The following SDK1 variants were observed in gnomAD, a reference collection of about 807,000 sequenced individuals.
SDK1 encodes the protein protein sidekick-1.
In SDK1, 157 loss-of-function variants were observed where a neutral mutation model predicts 245.5. The observed-to-expected ratio is 0.64, with a 90% CI of 0.56 to 0.73. The LOEUF (loss-of-function observed/expected upper bound fraction) is 0.73. Ranked by LOEUF, SDK1 falls within the 30% of genes least tolerant of loss-of-function variation. SDK1 has a pLI of 0.00. For synonymous variants in SDK1, 1,647 were observed against 1,278.5 expected (o/e 1.29, Z -6.15); for missense variants, 3,583 against 3,002.3 (o/e 1.19, Z -4.52).
At chr7:3,705,885 G>A (rs1784873191) in intron 4 of SDK1, among the ~76,000 whole-genome samples, 1 of 152,096 alleles carries the variant, frequency 6.6e-6, no homozygotes, top group Non-Finnish European at 1.5e-5. Flanking sequence ...TGATGCAACT[G>A]TCATGATGTT....
chr7:4,214,018 A>T (rs1055140117), intron 38 of SDK1, among the ~76,000 whole-genome samples: 5 of 152,150 alleles, frequency 3.3e-5, no homozygotes, highest in African/African-American at 9.7e-5. Context: ...GCTATCTCCA[A>T]ATCCTCAGAA....
At chr7:3,550,128 ATAT>A (rs1466038256) in intron 1 of SDK1, among the ~76,000 whole-genome samples, 2 of 152,172 alleles carry the variant, frequency 1.3e-5, no homozygotes, top group African/African-American at 4.8e-5. Context: ...ATATTTCAAC[ATAT>A]TAATATGTGT....
intron 1 of SDK1, among the ~76,000 whole-genome samples, chr7:3,427,612 C>T (rs971120324): frequency 1.9e-4 from 29 of 151,692 alleles, no homozygotes; most frequent in African/African-American, 5.1e-4. Context: ...TCTTGTCATA[C>T]GATATAAGAT....
chr7:3,688,462 G>T (rs766135458), intron 4 of SDK1, among the ~76,000 whole-genome samples: 3 of 152,228 alleles, frequency 2.0e-5, no homozygotes, highest in African/African-American at 7.2e-5. Flanking sequence ...GTGTTATAAA[G>T]AATAAATGAG....
intron 1 of SDK1, among the ~76,000 whole-genome samples, chr7:3,352,155 TA>T (rs1780676885): frequency 6.7e-6 from 1 of 149,536 alleles, no homozygotes; most frequent in Non-Finnish European, 1.5e-5. Flanking sequence ...TATATATTTA[TA>T]AAAGTTTCAT....
At chr7:3,740,842 T>C (rs1422599281) in intron 4 of SDK1, among the ~76,000 whole-genome samples, 1 of 152,224 alleles carries the variant, frequency 6.6e-6, no homozygotes, top group Non-Finnish European at 1.5e-5. Context: ...TTCTCATTGA[T>C]TTTATGAAGG....
At chr7:3,607,281 CA>C (rs1781453855) in intron 1 of SDK1, among the ~76,000 whole-genome samples, 1 of 152,004 alleles carries the variant, frequency 6.6e-6, no homozygotes, top group Non-Finnish European at 1.5e-5. Context: ...CTTAATATTC[CA>C]GGGGGAAATC....
intron 1 of SDK1, among the ~76,000 whole-genome samples, chr7:3,440,782 G>T (rs1327838133): frequency 2.6e-5 from 4 of 152,314 alleles, no homozygotes; most frequent in East Asian, 1.9e-4. Context: ...TGGTCTTGCT[G>T]TTGCACCTCA....
rs753232733 is a variant in SDK1, at chr7:3,962,883, C to G, written c.1429+32C>G. 19 of 1,552,884 alleles carry G rather than the reference C, an allele frequency of 1.2e-5. No individual in the cohort carries two copies. The South Asian group carries it at 2.0e-4, about 17-fold the overall frequency. ...ACACCCAGGCCCACAGCTACCTGAC[C>G]TGGACGTATCCAGTGAGTACACTCA... On this transcript the variant is annotated intron_variant, in intron 9 of 44. Coordinates refer to ENST00000404826, the MANE Select transcript of SDK1 (RefSeq NM_152744.4).
rs936733903 is a variant in SDK1 at position 4,268,138 on chromosome 7, T to G, written c.*2754T>G. ...TCCTGCCGTGCTGAAAGTCATGCCT[T>G]GCGGATGCCTCATGACAGCAGTGGC... On this transcript the variant is annotated 3_prime_UTR_variant, in exon 45 of 45. Coordinates refer to ENST00000404826, the MANE Select transcript of SDK1 (RefSeq NM_152744.4). The G allele has an allele frequency of 1.0e-6, 1 of 985,860 alleles. No individual in the cohort carries two copies. Among genetic ancestry groups the G allele is most frequent in the South Asian group, 4.7e-5 (1 of 21,312 alleles). 61.1% of individuals were successfully genotyped at this position (985,860 alleles called of 1,614,324 possible).
chr7:3,972,382 G>A (rs1336028051), intron 12 of SDK1, among the ~76,000 whole-genome samples: 1 of 152,160 alleles, frequency 6.6e-6, no homozygotes, highest in East Asian at 1.9e-4. Flanking sequence ...CCCGGCCAAG[G>A]GTTCTCTAAA....
chr7:3,608,849 A>G (rs887080480), intron 1 of SDK1, among the ~76,000 whole-genome samples: 12 of 152,242 alleles, frequency 7.9e-5, no homozygotes, highest in Non-Finnish European at 2.9e-5. Flanking sequence ...AGTATTAACA[A>G]AAATATTCAC....
chr7:3,466,061 C>T (rs1780990932), intron 1 of SDK1, among the ~76,000 whole-genome samples: 1 of 152,028 alleles, frequency 6.6e-6, no homozygotes, highest in Non-Finnish European at 1.5e-5. Flanking sequence ...ATGGGCAACT[C>T]AGCTAGGGGA....
rs192923677 is a variant in SDK1, at chr7:3,860,615, A to C, written c.847+39032A>C. ...ATTTGGTGATATCTATTGAGAAAAT[A>C]ACTTTTATTTGAGGGATGTGAGTCC... On this transcript the variant is annotated intron_variant, in intron 5 of 44. Coordinates refer to ENST00000404826, the MANE Select transcript of SDK1 (RefSeq NM_152744.4). Among the ~76,000 whole-genome samples the C allele has an allele frequency of 1.8e-3, 280 of 152,288 alleles. 5 individuals carry two copies. In the South Asian group the frequency reaches 0.029, roughly 16 times the overall value.
intron 13 of SDK1, among the ~76,000 whole-genome samples, chr7:3,984,073 A>G (rs1192295976): frequency 6.6e-6 from 1 of 152,062 alleles, no homozygotes; most frequent in Non-Finnish European, 1.5e-5. Flanking sequence ...GGCTGTTGCG[A>G]CCGTTTTTGC....
chr7:4,023,236 C>G (rs1254190748), intron 17 of SDK1, among the ~76,000 whole-genome samples: 1 of 152,162 alleles, frequency 6.6e-6, no homozygotes, highest in Admixed American at 6.5e-5. Flanking sequence ...TATCCCCCTT[C>G]ATCCACCATC....
At chr7:3,667,630 G>A (rs1195599456) in intron 4 of SDK1, among the ~76,000 whole-genome samples, 1 of 152,196 alleles carries the variant, frequency 6.6e-6, no homozygotes, top group Non-Finnish European at 1.5e-5. Flanking sequence ...GACCCTGGCA[G>A]TCACAGATCT....
intron 5 of SDK1, among the ~76,000 whole-genome samples, chr7:3,925,044 A>C (rs988528715): frequency 6.6e-6 from 1 of 151,952 alleles, no homozygotes; most frequent in African/African-American, 2.4e-5. Context: ...TTGTCAGCTC[A>C]TTTTCCCCTT....
chr7:4,058,224 G>T (rs6462571), intron 19 of SDK1, among the ~76,000 whole-genome samples: 5,856 of 152,118 alleles, frequency 0.038, 357 homozygotes, highest in African/African-American at 0.13. Flanking sequence ...GAACCAAACA[G>T]ATATCCAGGA....
Sources: gnomAD v4.1 joint callset for allele counts (sites outside exome capture counted in the v4.1 genomes callset) on GRCh38, gnomAD v4.1.1 for gene constraint, MANE v1.5 for transcripts, NCBI Gene and HGNC (gene_info 2026-07-23, HGNC 2026-07-21) for gene names.